ASIC2: variants seen among roughly 807,000 people sequenced by gnomAD.
ASIC2 encodes the protein acid sensing ion channel subunit 2, also known as acid-sensing ion channel 2.
In ASIC2, 25 loss-of-function variants were observed where a neutral mutation model predicts 57.3. The observed-to-expected ratio is 0.44, with a 90% CI of 0.32 to 0.61. The LOEUF (loss-of-function observed/expected upper bound fraction) is 0.61, where lower values mean the gene tolerates loss of function less well. Ranked by LOEUF, ASIC2 falls within the 20% of genes least tolerant of loss-of-function variation. The pLI, the probability that ASIC2 is intolerant of heterozygous loss-of-function variation, is 0.06. For synonymous variants in ASIC2, 319 were observed against 307.5 expected, an observed-to-expected ratio of 1.04 and a Z score of -0.39; for missense variants, 641 against 738.1, an observed-to-expected ratio of 0.87 and a Z score of 1.52.
chr17:33,286,311 G>T (rs1218063657), intron 1 of ASIC2, among the ~76,000 whole-genome samples: 1 of 152,210 alleles, frequency 6.6e-6, no homozygotes, highest in East Asian at 1.9e-4. Flanking sequence ...ATAGTGAAGG[G>T]TGCAGGGAGG....
intron 1 of ASIC2, among the ~76,000 whole-genome samples, chr17:34,046,846 C>G (rs1246185038): frequency 6.6e-6 from 1 of 152,122 alleles, no homozygotes; most frequent in Non-Finnish European, 1.5e-5. Context: ...GTAGGCTTCC[C>G]TTATAGAACT....
At chr17:33,260,210 A>C (rs1361018095) in intron 1 of ASIC2, among the ~76,000 whole-genome samples, 1 of 152,224 alleles carries the variant, frequency 6.6e-6, no homozygotes, top group African/African-American at 2.4e-5. Context: ...CTGTGGATAA[A>C]GCCTGGCCTC....
intron 1 of ASIC2, among the ~76,000 whole-genome samples, chr17:33,897,352 A>G (rs1194899425): frequency 6.6e-6 from 1 of 152,192 alleles, no homozygotes; most frequent in Non-Finnish European, 1.5e-5. Context: ...TCTGCATTTC[A>G]CATTAAACTT....
chr17:33,710,478 T>C (rs1908993364), intron 1 of ASIC2, among the ~76,000 whole-genome samples: 2 of 152,178 alleles, frequency 1.3e-5, no homozygotes, highest in South Asian at 4.1e-4. Flanking sequence ...GTGCCTAGGT[T>C]GTGGCACCTG....
At chr17:33,085,410 C>T (rs1349443672) in intron 3 of ASIC2, among the ~76,000 whole-genome samples, 2 of 152,178 alleles carry the variant, frequency 1.3e-5, no homozygotes, top group African/African-American at 2.4e-5. Context: ...AAATATGCCT[C>T]TTAACAATCA....
At position 33,173,857 on chromosome 17, in the gene ASIC2, G is replaced by T. The variant is rs545362107; in HGVS notation, c.709-61790C>A. On this transcript the variant is annotated intron_variant, in intron 1 of 9. Transcript: ENST00000225823. ...CCTAACACAAAGTAAGGACACAATC[G>T]AAGTGATTCCCTTTCCCCAACCTCA... Among the ~76,000 whole-genome samples the T allele has an allele frequency of 2.0e-4, 30 of 152,258 alleles. No individual in the cohort carries two copies. In the South Asian group the frequency reaches 5.0e-3, roughly 25 times the overall value.
chr17:33,534,536 G>T (rs1454026837), intron 1 of ASIC2: 1 of 152,172 alleles, frequency 6.6e-6, no homozygotes, highest in Non-Finnish European at 1.5e-5. Flanking sequence ...TTAGATCCTG[G>T]CAAGGAAACA....
chr17:33,017,780 CCCCT>C, intron 7 of ASIC2, 96 bp from the exon 8 acceptor site: 4 of 1,171,182 alleles, frequency 3.4e-6, no homozygotes, highest in Non-Finnish European at 3.7e-6. Context: ...TGAATGGCGC[CCCCT>C]CCATGGGGAG....
chr17:33,397,899 T>A (rs887929318), intron 1 of ASIC2, among the ~76,000 whole-genome samples: 1 of 152,250 alleles, frequency 6.6e-6, no homozygotes, highest in Non-Finnish European at 1.5e-5. Context: ...AATCGTTCTT[T>A]AGTCGAATCT....
intron 1 of ASIC2, among the ~76,000 whole-genome samples, chr17:33,192,269 T>A (rs1218617643): frequency 6.6e-6 from 1 of 151,800 alleles, no homozygotes; most frequent in Non-Finnish European, 1.5e-5. Context: ...TGTAATCCCA[T>A]CTACTTGGGA....
chr17:33,457,207 ACTTT>A (rs769846773), intron 1 of ASIC2, among the ~76,000 whole-genome samples: 7 of 150,772 alleles, frequency 4.6e-5, no homozygotes, highest in African/African-American at 7.3e-5. Context: ...AATAAATGTT[ACTTT>A]CTTTTCCTTT....
chr17:33,537,022 A>G (rs1303730807), intron 1 of ASIC2, among the ~76,000 whole-genome samples: 1 of 152,218 alleles, frequency 6.6e-6, no homozygotes, highest in African/African-American at 2.4e-5. Context: ...AAAAAAATAA[A>G]TAAAAATGTA....
Position 33,398,351 on chromosome 17 carries a change from T to A in ASIC2, c.556-286284A>T, listed in dbSNP as rs73287845. Reference sequence around the variant, plus strand: ...AGAGCACGGGTTAACACAATGTAAGTTTCAGAAGCCACCCTGGATAAAGGG... The same window carrying A: ...AGAGCACGGGTTAACACAATGTAAGATTCAGAAGCCACCCTGGATAAAGGG... On this transcript the variant is annotated intron_variant, in intron 1 of 9. Transcript: ENST00000359872. Among the ~76,000 whole-genome samples, 529 of 152,260 alleles carry A rather than the reference T, an allele frequency of 3.5e-3. 5 individuals are homozygous for A. The highest frequency in any genetic ancestry group is 0.012 in the African/African-American group (510 of 41,546).
chr17:34,149,098 TTC>T (rs1430720592), intron 1 of ASIC2, among the ~76,000 whole-genome samples: 11 of 144,556 alleles, frequency 7.6e-5, no homozygotes, highest in Non-Finnish European at 1.2e-4. Flanking sequence ...TTTTTCTTTT[TTC>T]TTTTTTTTCT....
rs372465964 is a variant in ASIC2, at chr17:33,280,542, C to G, written c.708+10866G>C. Among the ~76,000 whole-genome samples the G allele has an allele frequency of 4.6e-4, 70 of 152,328 alleles. No homozygotes were observed. In the East Asian group the frequency reaches 0.013, roughly 27 times the overall value. On this transcript the variant is annotated intron_variant, in intron 1 of 9. Coordinates refer to ENST00000225823, the MANE Select transcript of ASIC2 (RefSeq NM_183377.2). The stretch of plus-strand genomic sequence containing the variant: ...CACATCTGTTTGTTAGAGGCTGGGC[C>G]TGACCCCCAAAACTGGTATGAGGAT...
intron 1 of ASIC2, among the ~76,000 whole-genome samples, chr17:33,189,706 C>A (rs1906338717): frequency 6.6e-6 from 1 of 152,058 alleles, no homozygotes; most frequent in Non-Finnish European, 1.5e-5. Flanking sequence ...GAAAGAGGTT[C>A]ATCTCATAAT....
At chr17:33,206,756 A>G (rs987459516) in intron 1 of ASIC2, among the ~76,000 whole-genome samples, 2 of 152,154 alleles carry the variant, frequency 1.3e-5, no homozygotes, top group Non-Finnish European at 2.9e-5. Flanking sequence ...AGACACCTCT[A>G]GATTGGAGAA....
intron 2 of ASIC2, among the ~76,000 whole-genome samples, chr17:33,101,712 A>AT (rs2092212664): frequency 6.6e-6 from 1 of 152,114 alleles, no homozygotes; most frequent in Admixed American, 6.5e-5. Flanking sequence ...CACCCTCCAA[A>AT]TATAGTGATA....
intron 1 of ASIC2, among the ~76,000 whole-genome samples, chr17:33,998,453 C>A (rs73278416): frequency 0.068 from 10,413 of 152,036 alleles, 593 homozygotes; most frequent in East Asian, 0.23. Flanking sequence ...TTGAGGTATA[C>A]AGTTAGCTTG....
Sources: allele counts gnomAD v4.1 joint callset (sites outside exome capture counted in the v4.1 genomes callset), GRCh38; gene constraint gnomAD v4.1.1; transcripts MANE v1.5; gene names NCBI Gene and HGNC (gene_info 2026-07-23, HGNC 2026-07-21).